The following PCSK2 variants were observed in gnomAD, a reference collection of about 807,000 sequenced individuals.
PCSK2 encodes neuroendocrine convertase 2.
Under a neutral mutation model 69.7 loss-of-function variants are expected in PCSK2, and 14 were observed. That is an observed-to-expected ratio of 0.20 (90% CI 0.13 to 0.31). PCSK2 has a LOEUF of 0.31. Among genes scored for constraint, PCSK2 ranks in the 10% least tolerant of loss-of-function variants. PCSK2 has a pLI of 1.00. For missense variants in PCSK2, 544 were observed against 842.5 expected, an observed-to-expected ratio of 0.65 and a Z score of 4.39; for synonymous variants, 307 against 320.7, an observed-to-expected ratio of 0.96 and a Z score of 0.46.
At chr20:17,257,097 A>C (rs139360090) in intron 1 of PCSK2, among the ~76,000 whole-genome samples, 1 of 152,236 alleles carries the variant, frequency 6.6e-6, no homozygotes, top group African/African-American at 2.4e-5. Flanking sequence ...AAAACCCATC[A>C]AGGAGTGGGC....
intron 6 of PCSK2, among the ~76,000 whole-genome samples, chr20:17,411,884 T>C (rs547766894): frequency 1.1e-3 from 163 of 152,334 alleles, no homozygotes; most frequent in African/African-American, 3.7e-3. Context: ...CTGCTGGTGA[T>C]ACCCAGGCAA....
At chr20:17,360,336 CAA>C (rs11087204) in intron 3 of PCSK2, among the ~76,000 whole-genome samples, 194 bp from the exon 4 acceptor site, 2 of 145,118 alleles carry the variant, frequency 1.4e-5, no homozygotes. Flanking sequence ...GTGTTTATAC[CAA>C]AAAAAAAAAA....
At chr20:17,338,908 C>T (rs970204454) in intron 2 of PCSK2, among the ~76,000 whole-genome samples, 8 of 152,154 alleles carry the variant, frequency 5.3e-5, no homozygotes, top group Admixed American at 2.0e-4. Context: ...TCCAGCAAAT[C>T]GACCCTCCTT....
At chr20:17,288,190 C>T (rs564454030) in intron 2 of PCSK2, among the ~76,000 whole-genome samples, 1 of 152,324 alleles carries the variant, frequency 6.6e-6, no homozygotes, top group South Asian at 2.1e-4. Context: ...TGGAGGATGA[C>T]TCAGCATGTC....
At chr20:17,234,664 CT>C (rs1986266139) in intron 1 of PCSK2, among the ~76,000 whole-genome samples, 1 of 152,162 alleles carries the variant, frequency 6.6e-6, no homozygotes, top group African/African-American at 2.4e-5. Flanking sequence ...GGAAATACAC[CT>C]TTTTTTCTCA....
At chr20:17,230,181 C>T (rs1986095253) in intron 1 of PCSK2, among the ~76,000 whole-genome samples, 1 of 152,170 alleles carries the variant, frequency 6.6e-6, no homozygotes, top group Non-Finnish European at 1.5e-5. Flanking sequence ...ATGTCCTTCT[C>T]CTTCCTTGCT....
intron 2 of PCSK2, among the ~76,000 whole-genome samples, chr20:17,331,145 C>T (rs1267020369): frequency 1.3e-5 from 2 of 152,100 alleles, no homozygotes; most frequent in African/African-American, 2.4e-5. Context: ...CTAAAGGTAG[C>T]GCTCCTGACT....
intron 4 of PCSK2, among the ~76,000 whole-genome samples, chr20:17,363,389 G>A (rs2030471469): frequency 6.6e-6 from 1 of 152,212 alleles, no homozygotes. Context: ...ATGGTTAGCT[G>A]CTGTCTAAAG....
chr20:17,265,266 G>A (rs1270976157), intron 2 of PCSK2, among the ~76,000 whole-genome samples: 1 of 152,178 alleles, frequency 6.6e-6, no homozygotes, highest in Non-Finnish European at 1.5e-5. Flanking sequence ...ATGACTGCAT[G>A]AGAGCCTCAC....
chr20:17,239,430 G>C (rs1423448386), intron 1 of PCSK2, among the ~76,000 whole-genome samples: 1 of 122,104 alleles, frequency 8.2e-6, no homozygotes. Flanking sequence ...GTGATCTCTT[G>C]AAGTTCAGTA....
intron 6 of PCSK2, among the ~76,000 whole-genome samples, chr20:17,427,683 C>A (rs2032276445): frequency 6.6e-6 from 1 of 152,210 alleles, no homozygotes; most frequent in Non-Finnish European, 1.5e-5. Context: ...TGATCTGGAC[C>A]AGGCTAGGCT....
At position 17,470,993 on chromosome 20, in the gene PCSK2, G is replaced by C. The variant is rs576160311; in HGVS notation, c.1430+5440G>C. ...GAAGAGTTAGCTTGGAATGTACTGC[G>C]GCCCTCTTAGTCAAGCTACGTGTCA... On this transcript the variant is annotated intron_variant, in intron 11 of 11. Coordinates refer to ENST00000262545, the MANE Select transcript of PCSK2 (RefSeq NM_002594.5). Among the ~76,000 whole-genome samples, 3 of 152,264 alleles carry C rather than the reference G, an allele frequency of 2.0e-5. No homozygotes were observed. In the South Asian group the frequency reaches 6.2e-4, roughly 32 times the overall value.
At chr20:17,382,629 C>CA (rs1792231639) in intron 5 of PCSK2, among the ~76,000 whole-genome samples, 2 of 152,142 alleles carry the variant, frequency 1.3e-5, no homozygotes, top group East Asian at 3.9e-4. Flanking sequence ...CCACTGGCAT[C>CA]CTGGACCAAG....
intron 2 of PCSK2, among the ~76,000 whole-genome samples, chr20:17,317,366 T>C (rs1989720541): frequency 6.6e-6 from 1 of 152,238 alleles, no homozygotes; most frequent in Admixed American, 6.5e-5. Flanking sequence ...CATAGTCCTA[T>C]ATTCATTTGA....
At chr20:17,348,052 AAAGAAAGAAAGAAAG>A (rs1315079041) in intron 2 of PCSK2, among the ~76,000 whole-genome samples, 1 of 46,160 alleles carries the variant, frequency 2.2e-5, no homozygotes, top group East Asian at 1.5e-3. Context: ...GAAAGAAAGG[AAAGAAAGAAAGAAAG>A]AAAGAAAGAA....
chr20:17,294,038 G>A (rs1955979906), intron 2 of PCSK2, among the ~76,000 whole-genome samples: 1 of 150,082 alleles, frequency 6.7e-6, no homozygotes, highest in Admixed American at 6.7e-5. Context: ...CATGTTCCTT[G>A]AACGTACTTA....
At chr20:17,332,099 G>C (rs916104048) in intron 2 of PCSK2, among the ~76,000 whole-genome samples, 1 of 152,122 alleles carries the variant, frequency 6.6e-6, no homozygotes, top group Non-Finnish European at 1.5e-5. Flanking sequence ...TTGTGCATCA[G>C]TGCTATGTCT....
chr20:17,239,021 G>T (rs1398676886), intron 1 of PCSK2, among the ~76,000 whole-genome samples: 3 of 152,166 alleles, frequency 2.0e-5, no homozygotes, highest in Admixed American at 6.5e-5. Context: ...GTGCAATCAG[G>T]AAAACCAAGT....
intron 1 of PCSK2, among the ~76,000 whole-genome samples, chr20:17,243,648 T>C (rs1313431569): frequency 6.6e-6 from 1 of 152,220 alleles, no homozygotes; most frequent in Non-Finnish European, 1.5e-5. Flanking sequence ...AAGTCACTAT[T>C]ACGTAGGTGA....
Sources: gnomAD v4.1 joint callset for allele counts (sites outside exome capture counted in the v4.1 genomes callset) on GRCh38, gnomAD v4.1.1 for gene constraint, MANE v1.5 for transcripts, NCBI Gene and HGNC (gene_info 2026-07-23, HGNC 2026-07-21) for gene names.